The following LTBP1 variants were observed in gnomAD, a reference collection of about 807,000 sequenced individuals.
LTBP1 encodes the protein latent-transforming growth factor beta-binding protein 1.
In LTBP1, 129 loss-of-function variants were observed where a neutral mutation model predicts 207.6. The ratio of observed to expected loss-of-function variants is 0.62; its 90% CI spans 0.54 to 0.72. The LOEUF is 0.72. Ranked by LOEUF, LTBP1 falls within the 30% of genes least tolerant of loss-of-function variation. LTBP1 has a pLI of 0.00. For synonymous variants in LTBP1, 963 were observed against 833.7 expected (o/e 1.16, Z -2.67); for missense variants, 2,281 against 2,217.2 (o/e 1.03, Z -0.58).
intron 26 of LTBP1, among the ~76,000 whole-genome samples, chr2:33,358,063 T>G (rs547510748): frequency 9.9e-5 from 15 of 152,262 alleles, no homozygotes; most frequent in African/African-American, 3.6e-4. Context: ...ATAGGGAAAT[T>G]GTAGCTTTTC....
intron 11 of LTBP1, among the ~76,000 whole-genome samples, chr2:33,255,397 G>T (rs572013279): frequency 2.1e-4 from 32 of 152,184 alleles, no homozygotes; most frequent in African/African-American, 6.7e-4. Flanking sequence ...CTGTAAACTA[G>T]TTCAACCATT....
chr2:33,236,772 G>A (rs1311547811), intron 9 of LTBP1, among the ~76,000 whole-genome samples: 2 of 152,210 alleles, frequency 1.3e-5, no homozygotes, highest in Non-Finnish European at 1.5e-5. Flanking sequence ...TGTAATATCT[G>A]TAGACTACAG....
At position 33,306,041 on chromosome 2, in the gene LTBP1, G is replaced by C. The variant is rs140268342; in HGVS notation, c.3482-3393G>C. 4.6e-3 allele frequency among the ~76,000 whole-genome samples: 701 copies of C among 152,166 alleles called. 12 individuals carry two copies. In the South Asian group the frequency reaches 0.048, roughly 10 times the overall value. The stretch of plus-strand genomic sequence containing the variant: ...AAATATATATTTTCGCACTACCCCA[G>C]GTGGTGGTACGAAATAGTACCATGT... On this transcript the variant is annotated intron_variant, in intron 22 of 33. Transcript: ENST00000404816.
At chr2:33,371,832 G>A (rs1291314916) in intron 31 of LTBP1, among the ~76,000 whole-genome samples, 1 of 152,058 alleles carries the variant, frequency 6.6e-6, no homozygotes, top group Non-Finnish European at 1.5e-5. Context: ...AATATTAAGG[G>A]GAAAATTCCA....
chr2:33,360,683 T>C lies in LTBP1; in HGVS notation c.4087T>C (p.Leu1363=), dbSNP rs1034003124. 3 of 1,613,498 alleles carry C rather than the reference T, an allele frequency of 1.9e-6. No individual in the cohort carries two copies. The African/African-American group carries it at 4.0e-5, about 22-fold the overall frequency. ...TGACGCCAGTCTCTGTGATAATGTGTTGGCCCCCAATGTCACGAAACAAGA... is the reference window on the plus strand; with the variant it reads ...TGACGCCAGTCTCTGTGATAATGTGCTGGCCCCCAATGTCACGAAACAAGA... ...LNDASLCDNV[L]APNVTKQECC... The change falls in exon 27 of 34, where the codon TTG becomes CTG. Residue 1363 remains leucine, a synonymous_variant. Coordinates refer to ENST00000404816, the MANE Select transcript of LTBP1 (RefSeq NM_206943.4).
At chr2:33,364,002 T>TG (rs751767975) in intron 29 of LTBP1, among the ~76,000 whole-genome samples, 3 of 152,090 alleles carry the variant, frequency 2.0e-5, no homozygotes, top group Non-Finnish European at 4.4e-5. Context: ...CCTTATTTAA[T>TG]GTCAGCAGCA....
chr2:33,170,538 A>T (rs1318292819), intron 5 of LTBP1, among the ~76,000 whole-genome samples: 1 of 152,238 alleles, frequency 6.6e-6, no homozygotes, highest in Non-Finnish European at 1.5e-5. Flanking sequence ...CAGCTCAAGG[A>T]GGCCTGCCTG....
Position 33,344,142 on chromosome 2 carries a change from G to A in LTBP1, c.3856+1179G>A, listed in dbSNP as rs7599895. Among the ~76,000 whole-genome samples the A allele has an allele frequency of 5.4e-3, 819 of 152,300 alleles. 10 individuals carry two copies. Among genetic ancestry groups the A allele is most frequent in the African/African-American group, 0.019 (780 of 41,564 alleles). On this transcript the variant is annotated intron_variant, in intron 25 of 33. Transcript: ENST00000404816. ...TGCTTTTGTGGAATTATGAAATTCA[G>A]TTAATTCTCAACCAAAAATTATTTA...
chr2:33,172,906 T>G (rs2085609339), intron 5 of LTBP1, among the ~76,000 whole-genome samples: 1 of 152,054 alleles, frequency 6.6e-6, no homozygotes, highest in African/African-American at 2.4e-5. Context: ...GAATGACTAC[T>G]GGGTACATAA....
intron 7 of LTBP1, among the ~76,000 whole-genome samples, chr2:33,206,357 A>C (rs2089873811): frequency 6.6e-6 from 1 of 152,200 alleles, no homozygotes; most frequent in South Asian, 2.1e-4. Context: ...ACATAGTGCT[A>C]TGAGGCCTAA....
chr2:33,155,283 C>T (rs1338246080), intron 5 of LTBP1, among the ~76,000 whole-genome samples: 1 of 151,968 alleles, frequency 6.6e-6, no homozygotes, highest in African/African-American at 2.4e-5. Flanking sequence ...CCAGGCTACT[C>T]TCGAACTCCC....
chr2:33,393,732 A>G (rs2095336317), intron 32 of LTBP1, among the ~76,000 whole-genome samples: 1 of 152,174 alleles, frequency 6.6e-6, no homozygotes, highest in South Asian at 2.1e-4. Context: ...TGCTATTGTG[A>G]ATAGTGCCAC....
At position 33,167,852 on chromosome 2, in the gene LTBP1, G is replaced by A. The variant is rs559487573; in HGVS notation, c.1202-19004G>A. Among the ~76,000 whole-genome samples the A allele has an allele frequency of 3.9e-5, 6 of 152,308 alleles. No homozygotes were observed. In the East Asian group the frequency reaches 1.2e-3, roughly 29 times the overall value. On this transcript the variant is annotated intron_variant, in intron 5 of 33. Transcript: ENST00000404816. ...GAACTAGATCAAGGAGAGCCCTTCT[G>A]CCATGATTAGGTTTAGATTTCTTCC... is the stretch of plus-strand genomic sequence containing the variant.
chr2:32,948,731 G>C (rs954909147), intron 1 of LTBP1, 144 bp from the exon 2 acceptor site: 1 of 740,496 alleles, frequency 1.4e-6, no homozygotes, highest in Non-Finnish European at 2.3e-6. Flanking sequence ...TTTGGGTTGG[G>C]CATCCAGGGT....
chr2:33,082,378 A>G (rs1356738746), intron 3 of LTBP1, among the ~76,000 whole-genome samples: 1 of 151,148 alleles, frequency 6.6e-6, no homozygotes, highest in Non-Finnish European at 1.5e-5. Context: ...GACAGGTAGC[A>G]TAGTGGGGAT....
chr2:33,291,076 T>C (rs1459908637), intron 19 of LTBP1, among the ~76,000 whole-genome samples: 2 of 152,222 alleles, frequency 1.3e-5, no homozygotes, highest in Non-Finnish European at 2.9e-5. Context: ...GTTCAAACTG[T>C]TCTATCTACG....
At chr2:32,962,097 G>A (rs552264446) in intron 2 of LTBP1, among the ~76,000 whole-genome samples, 3 of 152,050 alleles carry the variant, frequency 2.0e-5, no homozygotes, top group South Asian at 4.2e-4. Context: ...TGCATAAAAT[G>A]TACCCATTTT....
intron 8 of LTBP1, among the ~76,000 whole-genome samples, chr2:33,220,076 T>C (rs745812360): frequency 1.3e-5 from 2 of 152,178 alleles, no homozygotes; most frequent in African/African-American, 2.4e-5. Context: ...ATTTAATGTA[T>C]AAAATTGAAG....
chr2:33,280,302 T>C (rs1032714714), intron 19 of LTBP1, 144 bp downstream of exon 19: 1 of 794,238 alleles, frequency 1.3e-6, no homozygotes, highest in Admixed American at 3.7e-5. Flanking sequence ...CCAGTAACTT[T>C]TAACCATTGA....
Sources: gnomAD v4.1 joint callset for allele counts (sites outside exome capture counted in the v4.1 genomes callset) on GRCh38, gnomAD v4.1.1 for gene constraint, MANE v1.5 for transcripts, NCBI Gene and HGNC (gene_info 2026-07-23, HGNC 2026-07-21) for gene names.